The following RNF150 variants were observed in gnomAD, a reference collection of about 807,000 sequenced individuals.
RNF150 encodes the protein ring finger protein 150.
In RNF150, 24 loss-of-function variants were observed where a neutral mutation model predicts 39.3. The observed-to-expected ratio is 0.61, with a 90% confidence interval of 0.44 to 0.86. The LOEUF is 0.86. Among genes scored for constraint, RNF150 ranks in the 40% least tolerant of loss-of-function variants. RNF150 has a pLI of 0.00. For missense variants in RNF150, 502 were observed against 587.8 expected, an observed-to-expected ratio of 0.85 and a Z score of 1.51; for synonymous variants, 255 against 227.3, an observed-to-expected ratio of 1.12 and a Z score of -1.10.
At chr4:141,194,271 T>C (rs1025147868) in intron 1 of RNF150, among the ~76,000 whole-genome samples, 4 of 152,252 alleles carry the variant, frequency 2.6e-5, no homozygotes, top group African/African-American at 9.6e-5. Context: ...TGTTGAAAGA[T>C]AGCTAAAGTA....
chr4:141,074,017 G>C (rs750103282), intron 1 of RNF150, among the ~76,000 whole-genome samples: 3 of 151,630 alleles, frequency 2.0e-5, no homozygotes, highest in Admixed American at 6.6e-5. Flanking sequence ...GGACTTCTGG[G>C]CCAGCAGAAG....
chr4:140,957,691 ACATATACAC>A (rs1410552406), intron 2 of RNF150, among the ~76,000 whole-genome samples: 1 of 151,962 alleles, frequency 6.6e-6, no homozygotes, highest in Admixed American at 6.6e-5. Context: ...AAAATGTGGC[ACATATACAC>A]CATGGAATAC....
intron 1 of RNF150, among the ~76,000 whole-genome samples, chr4:141,008,884 C>A (rs1219694728): frequency 5.3e-5 from 8 of 152,042 alleles, no homozygotes; most frequent in Admixed American, 1.3e-4. Context: ...CCAGGTTATC[C>A]TAAGCGCTTT....
At chr4:141,200,341 T>C (rs1371423971) in intron 1 of RNF150, among the ~76,000 whole-genome samples, 1 of 151,962 alleles carries the variant, frequency 6.6e-6, no homozygotes, top group South Asian at 2.1e-4. Flanking sequence ...CCTAATTGCT[T>C]CCCAAAGACT....
chr4:141,094,977 C>A (rs1407077986), intron 1 of RNF150, among the ~76,000 whole-genome samples: 1 of 152,098 alleles, frequency 6.6e-6, no homozygotes, highest in African/African-American at 2.4e-5. Flanking sequence ...GAGTGCTGTT[C>A]CCACTTAACA....
chr4:140,898,837 A>C (rs760700265), intron 6 of RNF150, among the ~76,000 whole-genome samples: 8 of 152,180 alleles, frequency 5.3e-5, no homozygotes, highest in Non-Finnish European at 8.8e-5. Flanking sequence ...AATTCATTCC[A>C]CTGTTCTTGT....
intron 1 of RNF150, among the ~76,000 whole-genome samples, chr4:141,108,208 T>C (rs1004540437): frequency 2.6e-5 from 4 of 152,200 alleles, no homozygotes; most frequent in African/African-American, 4.8e-5. Flanking sequence ...ACTATTGGGG[T>C]AGACCGGCAT....
At chr4:141,134,953 G>C (rs1386737619), upstream of RNF150, among the ~76,000 whole-genome samples, 1 of 152,118 alleles carries the variant, frequency 6.6e-6, no homozygotes, top group Non-Finnish European at 1.5e-5. Flanking sequence ...GAGAAGCTAT[G>C]TTATTAAGAA....
intron 1 of RNF150, among the ~76,000 whole-genome samples, chr4:141,103,190 T>C (rs1340933427): frequency 6.6e-6 from 1 of 152,204 alleles, no homozygotes; most frequent in Non-Finnish European, 1.5e-5. Context: ...TTCTTCAATA[T>C]GAACCCATAG....
rs397995597 is a variant in RNF150 at position 141,012,781 on chromosome 4, C to CAAAAAAAAAAAA, written c.485-44920_485-44909dup. Among the ~76,000 whole-genome samples the CAAAAAAAAAAAA allele has an allele frequency of 4.4e-3, 311 of 71,404 alleles. 34 individuals carry two copies. Among genetic ancestry groups the CAAAAAAAAAAAA allele is most frequent in the Non-Finnish European group, 6.8e-3 (273 of 39,884 alleles). The allele number at this position is 71,404 out of a possible 152,430, so 46.8% of individuals were successfully genotyped here. A position where few individuals can be genotyped will look rare whatever the true frequency, so the allele number is the denominator to read the frequency against. On this transcript the variant is annotated intron_variant, in intron 1 of 6. Coordinates refer to ENST00000515673, the MANE Select transcript of RNF150 (RefSeq NM_020724.2). ...CTGGTGACAGAGTAAGACTCTGTCT[C>CAAAAAAAAAAAA]AAAAAAAAAAAAAAAAAAAAAGGCA...
chr4:141,142,890 G>C (rs928872809), intron 1 of RNF150, among the ~76,000 whole-genome samples: 1 of 145,550 alleles, frequency 6.9e-6, no homozygotes, highest in Non-Finnish European at 1.5e-5. Context: ...TTTTTTTTTA[G>C]ATAGAGTCTG....
intron 4 of RNF150, among the ~76,000 whole-genome samples, chr4:140,946,416 G>A (rs1191209147): frequency 1.3e-5 from 2 of 152,068 alleles, no homozygotes; most frequent in African/African-American, 2.4e-5. Flanking sequence ...TCATGAATAT[G>A]TGAATTGTCT....
chr4:141,064,659 T>G (rs1250109763), intron 1 of RNF150, among the ~76,000 whole-genome samples: 4 of 152,086 alleles, frequency 2.6e-5, no homozygotes, highest in African/African-American at 4.8e-5. Flanking sequence ...ATGTTTACAC[T>G]GTACTCATAT....
In RNF150 at chr4:140,978,330, A is replaced by G. The variant is rs1024411733; in HGVS notation, c.485-10457T>C. 1.1e-4 allele frequency among the ~76,000 whole-genome samples: 16 copies of G among 151,340 alleles called. No homozygotes were observed. The East Asian group carries it at 3.1e-3, about 30-fold the overall frequency. On this transcript the variant is annotated intron_variant, in intron 1 of 6. Transcript: ENST00000515673. ...TAGATTTGTCATTACAGTTAGAGCT[A>G]ACTGTTACAGAATTTAAAAACATAT...
At chr4:140,931,909 G>A (rs1437072379) in intron 4 of RNF150, among the ~76,000 whole-genome samples, 4 of 152,156 alleles carry the variant, frequency 2.6e-5, no homozygotes, top group Non-Finnish European at 5.9e-5. Context: ...CTTGTTTTCT[G>A]CTGTTCTTTC....
chr4:140,909,005 G>T (rs1452383508), intron 6 of RNF150, among the ~76,000 whole-genome samples: 2 of 152,052 alleles, frequency 1.3e-5, no homozygotes, highest in Non-Finnish European at 2.9e-5. Context: ...TTTTTCAACT[G>T]CTGGCAAAAT....
intron 1 of RNF150, among the ~76,000 whole-genome samples, chr4:141,178,252 G>C (rs898804447): frequency 5.3e-5 from 8 of 152,130 alleles, no homozygotes; most frequent in Non-Finnish European, 1.2e-4. Context: ...GTATGTGTGT[G>C]TGTGTGTGTG....
At chr4:141,045,822 G>A (rs1736554491) in intron 1 of RNF150, among the ~76,000 whole-genome samples, 2 of 152,078 alleles carry the variant, frequency 1.3e-5, no homozygotes, top group Non-Finnish European at 2.9e-5. Context: ...GAGATTACAG[G>A]CATGAGCCAC....
At chr4:141,049,981 T>C (rs562944285) in intron 1 of RNF150, among the ~76,000 whole-genome samples, 42 of 152,164 alleles carry the variant, frequency 2.8e-4, no homozygotes, top group African/African-American at 9.9e-4. Context: ...GTATATGCAA[T>C]AGCCAAATTA....
Sources: gnomAD v4.1 joint callset for allele counts (sites outside exome capture counted in the v4.1 genomes callset) on GRCh38, gnomAD v4.1.1 for gene constraint, MANE v1.5 for transcripts, NCBI Gene and HGNC (gene_info 2026-07-23, HGNC 2026-07-21) for gene names.